The following CMTR1 variants were observed in gnomAD, a reference collection of about 807,000 sequenced individuals.
CMTR1 encodes the protein cap methyltransferase 1.
Under a neutral mutation model 107.0 loss-of-function variants are expected in CMTR1, and 39 were observed. The ratio of observed to expected loss-of-function variants is 0.36; its 90% CI spans 0.28 to 0.48. The LOEUF (loss-of-function observed/expected upper bound fraction) is 0.48, where lower values mean the gene tolerates loss of function less well. Ranked by LOEUF, CMTR1 falls within the 20% of genes least tolerant of loss-of-function variation. The probability of loss-of-function intolerance (pLI) is 0.99; values close to 1 mark genes in which losing one functional copy is unlikely to be tolerated. For synonymous variants in CMTR1, 366 were observed against 379.5 expected (o/e 0.96, Z 0.41); for missense variants, 672 against 1,064.9 (o/e 0.63, Z 5.14).
chr6:37,439,001 G>A (rs1201827015), intron 2 of CMTR1, among the ~76,000 whole-genome samples: 1 of 152,170 alleles, frequency 6.6e-6, no homozygotes, highest in Non-Finnish European at 1.5e-5. Context: ...AAACAAAACA[G>A]TAGTTACTAT....
chr6:37,461,945 T>C, intron 11 of CMTR1, 25 bp from the exon 12 acceptor site: 1 of 1,613,280 alleles, frequency 6.2e-7, no homozygotes, highest in Non-Finnish European at 8.5e-7. Context: ...CATTGGCTGC[T>C]TTTGGTGTTT....
At chr6:37,475,536 C>A in intron 19 of CMTR1, 124 bp downstream of exon 19, 1 of 765,656 alleles carries the variant, frequency 1.3e-6, no homozygotes, top group Non-Finnish European at 2.2e-6. Flanking sequence ...CTGAGAGTTT[C>A]CCCCTCCCAC....
intron 13 of CMTR1, among the ~76,000 whole-genome samples, chr6:37,464,299 A>G (rs1310291242): frequency 6.6e-6 from 1 of 151,820 alleles, no homozygotes; most frequent in Non-Finnish European, 1.5e-5. Context: ...CCCCATCTCT[A>G]CTAAAAATTC....
At chr6:37,439,475 G>A (rs942232609) in intron 2 of CMTR1, among the ~76,000 whole-genome samples, 1 of 152,128 alleles carries the variant, frequency 6.6e-6, no homozygotes. Flanking sequence ...CATTAAAGGC[G>A]CCTTCCTCTC....
At chr6:37,456,363 T>TA (rs1761294330) in intron 8 of CMTR1, among the ~76,000 whole-genome samples, 1 of 152,162 alleles carries the variant, frequency 6.6e-6, no homozygotes. Flanking sequence ...TGGGGCGGCT[T>TA]AGTAAGGAAG....
intron 20 of CMTR1, among the ~76,000 whole-genome samples, chr6:37,477,002 ATTGC>A (rs149147641): frequency 0.014 from 2,199 of 152,266 alleles, 31 homozygotes; most frequent in South Asian, 0.05. Context: ...CCCTGCCTTC[ATTGC>A]TTGTGGTTTG....
chr6:37,445,314 C>T (rs1490578111), intron 3 of CMTR1, among the ~76,000 whole-genome samples: 3 of 152,014 alleles, frequency 2.0e-5, no homozygotes, highest in Non-Finnish European at 2.9e-5. Context: ...CTTAGGATTG[C>T]AGTTTTTTTT....
intron 6 of CMTR1, 70 bp from the exon 7 acceptor site, chr6:37,452,977 G>A: frequency 7.5e-7 from 1 of 1,332,514 alleles, no homozygotes; most frequent in African/African-American, 1.4e-5. Context: ...GCTGTGAGTT[G>A]GGCACTGCAG....
chr6:37,469,559 G>A (rs1334446064), intron 13 of CMTR1, among the ~76,000 whole-genome samples: 6 of 112,360 alleles, frequency 5.3e-5, no homozygotes, highest in African/African-American at 1.4e-4. Flanking sequence ...ATGGAGTCTC[G>A]CTCTGTTGCC....
Position 37,459,702 on chromosome 6 carries a change from C to T in CMTR1, c.1095+18C>T. On this transcript the variant is annotated intron_variant, in intron 10 of 23. Coordinates refer to ENST00000373451, the MANE Select transcript of CMTR1 (RefSeq NM_015050.3). ...CTGATGGGGTAGGTTACCTTTTTTC[C>T]ATAGACTGATGCATTAAGGATTTGT... 6.6e-7 allele frequency: 1 copy of T among 1,525,202 alleles called. No homozygotes were observed. Among genetic ancestry groups the T allele is most frequent in the East Asian group, 2.3e-5 (1 of 44,422 alleles). The allele number at this position is 1,525,202 out of a possible 1,614,324, so 94.5% of individuals were successfully genotyped here.
the CMTR1 span, among the ~76,000 whole-genome samples, chr6:37,424,464 G>A: frequency 1.3e-5 from 2 of 151,752 alleles, no homozygotes; most frequent in East Asian, 1.9e-4. Context: ...AGCCAGGATG[G>A]TCTGGATCTC....
intron 5 of CMTR1, among the ~76,000 whole-genome samples, chr6:37,451,524 T>C (rs1761172811): frequency 6.6e-6 from 1 of 152,196 alleles, no homozygotes; most frequent in Non-Finnish European, 1.5e-5. Context: ...GTCTCCTTCC[T>C]GTTTGGTGTT....
Position 37,472,631 on chromosome 6 carries a change from C to A in CMTR1, c.1689+144C>A. ...GCTCTAAGGGGCGGAGCTAAGGCTG[C>A]CACAGGTGGGAACCTTTGGTATAGG... On this transcript the variant is annotated intron_variant, in intron 16 of 23. Transcript: ENST00000373451. The surrounding 1 kb of genome is among the most constrained non-coding windows in gnomAD (Gnocchi z 4.1). 1 of 779,774 alleles carries A rather than the reference C, an allele frequency of 1.3e-6. No homozygotes were observed. Among genetic ancestry groups the A allele is most frequent in the Non-Finnish European group, 2.2e-6 (1 of 460,502 alleles). The allele number at this position is 779,774 out of a possible 1,614,324, so 48.3% of individuals were successfully genotyped here.
the CMTR1 span, among the ~76,000 whole-genome samples, chr6:37,425,895 C>CT: frequency 6.6e-6 from 1 of 152,220 alleles, no homozygotes; most frequent in Non-Finnish European, 1.5e-5. Context: ...CTCTGCCCCT[C>CT]TGACACTCCC....
chr6:37,480,020 T>C lies in CMTR1; in HGVS notation c.2383T>C (p.Tyr795His), dbSNP rs1176147010. ...CATCCCTCTCCTCCCCAGCATTTGC[T>C]ACTATGGCCGGCTCTTCTGGGAGTG... ...ADSIAPFHIC[Y>H]YGRLFWEWGD... is the part of the protein sequence containing the mutation. Residue 795 changes from tyrosine to histidine, a missense_variant, in exon 24 of 24, where the codon TAC (tyrosine) becomes CAC (histidine). This residue lies in a region of CMTR1 where 583 missense variants were observed against 968.4 expected (regional missense o/e 0.60). Transcript: ENST00000373451. The C allele has an allele frequency of 6.4e-7, 1 of 1,574,324 alleles. No homozygotes were observed. The highest frequency in any genetic ancestry group is 1.9e-5 in the Admixed American group (1 of 51,394).
chr6:37,447,070 T>A (rs192518442), intron 4 of CMTR1, among the ~76,000 whole-genome samples: 1 of 152,200 alleles, frequency 6.6e-6, no homozygotes, highest in Non-Finnish European at 1.5e-5. Context: ...TCCTATCTTA[T>A]TCCGTAAAGG....
chr6:37,471,921 C>T lies in CMTR1; in HGVS notation c.1620+17C>T, dbSNP rs1761636878. 6.2e-7 allele frequency: 1 copy of T among 1,609,310 alleles called. No homozygotes were observed. The highest frequency in any genetic ancestry group is 8.5e-7 in the Non-Finnish European group (1 of 1,177,466). ...CTCTGGGGGGTGAGTATCTCCCCCG[C>T]CCATTGCTGCTTCAGGGCAGGGAAG... is the stretch of plus-strand genomic sequence containing the variant. On this transcript the variant is annotated intron_variant, in intron 15 of 23. Coordinates refer to ENST00000373451, the MANE Select transcript of CMTR1 (RefSeq NM_015050.3).
upstream of CMTR1, among the ~76,000 whole-genome samples, chr6:37,428,748 G>A (rs112827252): frequency 5.4e-4 from 83 of 152,312 alleles, no homozygotes; most frequent in Middle Eastern, 3.4e-3. Flanking sequence ...ATGAGCCACT[G>A]TGCCTGGCCT....
intron 4 of CMTR1, among the ~76,000 whole-genome samples, chr6:37,449,593 G>A (rs1055767130): frequency 3.9e-5 from 6 of 152,222 alleles, no homozygotes; most frequent in African/African-American, 1.2e-4. Context: ...ACAGGCGTGA[G>A]CCACCACACC....
Sources: allele counts gnomAD v4.1 joint callset (sites outside exome capture counted in the v4.1 genomes callset), GRCh38; gene constraint gnomAD v4.1.1; regional missense constraint gnomAD v4.1.1; non-coding constraint Gnocchi (gnomAD v3.1); transcripts MANE v1.5; gene names NCBI Gene and HGNC (gene_info 2026-07-23, HGNC 2026-07-21).